Variants in RAF1 observed in about 807,000 individuals in gnomAD.
The protein encoded by RAF1 is Raf-1 proto-oncogene, serine/threonine kinase.
RAF1 carries 27 observed loss-of-function variants against 81.1 expected under a neutral mutation model. The observed-to-expected ratio is 0.33, with a 90% confidence interval of 0.25 to 0.46. RAF1 has a LOEUF of 0.46. Among genes scored for constraint, RAF1 ranks in the 20% least tolerant of loss-of-function variants. The probability of loss-of-function intolerance (pLI) is 1.00; values close to 1 mark genes in which losing one functional copy is unlikely to be tolerated. For missense variants in RAF1, 598 were observed against 826.0 expected (o/e 0.72, Z 3.38); for synonymous variants, 298 against 294.0 (o/e 1.01, Z -0.14).
At chr3:12,606,454 A>G (rs1481864316) in intron 5 of RAF1, among the ~76,000 whole-genome samples, 155 bp from the exon 6 acceptor site, 1 of 152,260 alleles carries the variant, frequency 6.6e-6, no homozygotes, top group Admixed American at 6.5e-5. Flanking sequence ...AATAAAGGGA[A>G]CAATATTCCA....
intron 8 of RAF1, chr3:12,603,465 G>A (rs937562341): frequency 4.3e-6 from 3 of 694,174 alleles, no homozygotes; most frequent in Non-Finnish European, 7.9e-6. Context: ...AAGGCATGAA[G>A]AAAAATACCT....
chr3:12,639,855 T>C (rs1217013401), intron 1 of RAF1, among the ~76,000 whole-genome samples: 4 of 152,088 alleles, frequency 2.6e-5, no homozygotes, highest in East Asian at 1.9e-4. Flanking sequence ...CTTCACAGAA[T>C]TGGAAAAAAC....
intron 1 of RAF1, among the ~76,000 whole-genome samples, chr3:12,637,088 T>C (rs1161681642): frequency 6.6e-6 from 1 of 152,108 alleles, no homozygotes; most frequent in Admixed American, 6.6e-5. Flanking sequence ...ATAAAAAACA[T>C]TCTAAGTTAG....
At chr3:12,608,994 G>A in intron 4 of RAF1, 71 bp from the exon 5 acceptor site, 1 of 1,572,516 alleles carries the variant, frequency 6.4e-7, no homozygotes, top group Non-Finnish European at 8.7e-7. Context: ...TCATTTCTTG[G>A]CCTCCAAAAA....
At chr3:12,643,527 G>C (rs1281370009) in intron 1 of RAF1, among the ~76,000 whole-genome samples, 1 of 152,036 alleles carries the variant, frequency 6.6e-6, no homozygotes, top group African/African-American at 2.4e-5. Context: ...GATCACCTGA[G>C]GTCAGTAGTT....
At chr3:12,618,920 G>A (rs1256846962) in intron 1 of RAF1, among the ~76,000 whole-genome samples, 173 bp from the exon 2 acceptor site, 1 of 152,184 alleles carries the variant, frequency 6.6e-6, no homozygotes, top group Non-Finnish European at 1.5e-5. Flanking sequence ...ATATTTCATA[G>A]ATGAGGAAAA....
In RAF1 at chr3:12,609,348, TA is replaced by T. The variant is rs202103447; in HGVS notation, c.321-14del. 1.9e-6 allele frequency: 3 copies of T among 1,551,124 alleles called. No individual in the cohort carries two copies. Among genetic ancestry groups the T allele is most frequent in the Non-Finnish European group, 1.8e-6 (2 of 1,122,998 alleles). On this transcript the variant is annotated splice_polypyrimidine_tract_variant and intron_variant, in intron 3 of 17. Transcript: ENST00000442415. ...GCGTGCTTTTTTACTAGAAAGGATT[TA>T]AAAAAAACATGAAATGTTTAAACAA... is the stretch of plus-strand genomic sequence containing the variant.
chr3:12,592,943 G>T (rs1466530878), intron 11 of RAF1, among the ~76,000 whole-genome samples: 1 of 151,362 alleles, frequency 6.6e-6, no homozygotes, highest in African/African-American at 2.4e-5. Context: ...GTTTCACCAT[G>T]TTAGCCAGGA....
intron 1 of RAF1, among the ~76,000 whole-genome samples, chr3:12,635,335 A>T (rs1376880202): frequency 3.4e-5 from 5 of 145,184 alleles, no homozygotes; most frequent in Non-Finnish European, 7.7e-5. Flanking sequence ...AAAAAAAAAA[A>T]AAAAAAAAAA....
intron 1 of RAF1, among the ~76,000 whole-genome samples, chr3:12,644,147 A>G (rs904394396): frequency 4.6e-5 from 7 of 152,230 alleles, no homozygotes; most frequent in African/African-American, 1.4e-4. Flanking sequence ...CAGCACACAT[A>G]CAAAGTACAA....
At chr3:12,592,373 GATAT>G (rs2058543038) in intron 11 of RAF1, among the ~76,000 whole-genome samples, 3 of 152,124 alleles carry the variant, frequency 2.0e-5, no homozygotes. Context: ...AAAATTCAGA[GATAT>G]ATATTGAAAT....
At chr3:12,637,293 C>T (rs1030135792) in intron 1 of RAF1, among the ~76,000 whole-genome samples, 3 of 151,950 alleles carry the variant, frequency 2.0e-5, no homozygotes, top group African/African-American at 4.8e-5. Flanking sequence ...AAACTGAATA[C>T]AGAGTATTGT....
intron 1 of RAF1, among the ~76,000 whole-genome samples, chr3:12,654,179 G>C (rs1294803119): frequency 6.6e-6 from 1 of 150,672 alleles, no homozygotes; most frequent in Non-Finnish European, 1.5e-5. Context: ...TTAGAGATGG[G>C]GTCTCACTAT....
intron 5 of RAF1, among the ~76,000 whole-genome samples, chr3:12,607,622 T>C (rs2059075546): frequency 6.6e-6 from 1 of 151,686 alleles, no homozygotes; most frequent in Non-Finnish European, 1.5e-5. Context: ...CACTCCACTG[T>C]GGGAGACAGA....
intron 2 of RAF1, among the ~76,000 whole-genome samples, chr3:12,617,098 C>T (rs1027678672): frequency 2.6e-5 from 4 of 151,932 alleles, no homozygotes; most frequent in Non-Finnish European, 5.9e-5. Context: ...TGTGCCACCA[C>T]GCCCGGCTAC....
chr3:12,608,443 G>A (rs1298134183), intron 5 of RAF1: 2 of 354,626 alleles, frequency 5.6e-6, no homozygotes, highest in Non-Finnish European at 1.1e-5. Flanking sequence ...AACCCCAGTA[G>A]ATAATACTAT....
At chr3:12,584,748 C>A in intron 17 of RAF1, 91 bp from the exon 17 acceptor site, 2 of 1,612,720 alleles carry the variant, frequency 1.2e-6, no homozygotes, top group South Asian at 1.1e-5. Context: ...GGACCTGGGT[C>A]CCCTCCCTAT....
chr3:12,584,393 A>C lies in RAF1; in HGVS notation c.*121T>G. On this transcript the variant is annotated 3_prime_UTR_variant, in exon 18 of 18. Transcript: ENST00000442415. ...GTTAAGGCCCTGTGAGCAGTCTAGA[A>C]GGTCCTTAGCAGCAGCTTCTCTGAA... The C allele has an allele frequency of 4.7e-6, 6 of 1,286,842 alleles. No individual in the cohort carries two copies. The highest frequency in any genetic ancestry group is 6.7e-6 in the Non-Finnish European group (6 of 901,742). 79.7% of individuals were successfully genotyped at this position (1,286,842 alleles called of 1,614,324 possible). A position where few individuals can be genotyped will look rare whatever the true frequency, so the allele number is the denominator to read the frequency against.
chr3:12,600,959 G>C (rs558502027), intron 8 of RAF1, among the ~76,000 whole-genome samples: 2 of 152,340 alleles, frequency 1.3e-5, no homozygotes, highest in African/African-American at 4.8e-5. Flanking sequence ...AGCTAGCAAA[G>C]TTACTCTCAG....
Sources: gnomAD v4.1 joint callset for allele counts (sites outside exome capture counted in the v4.1 genomes callset) on GRCh38, gnomAD v4.1.1 for gene constraint, MANE v1.5 for transcripts, NCBI Gene and HGNC (gene_info 2026-07-23, HGNC 2026-07-21) for gene names.